DOCK1: variants seen among roughly 807,000 people sequenced by gnomAD.
The protein encoded by DOCK1 is dedicator of cytokinesis protein 1.
In DOCK1, 138 loss-of-function variants were observed where a neutral mutation model predicts 262.7. The observed-to-expected ratio is 0.53, with a 90% CI of 0.46 to 0.61. DOCK1 has a LOEUF of 0.61. Among genes scored for constraint, DOCK1 ranks in the 20% least tolerant of loss-of-function variants. The pLI is 0.00. For synonymous variants in DOCK1, 866 were observed against 867.4 expected (o/e 1.00, Z 0.03); for missense variants, 1,908 against 2,370.7 (o/e 0.80, Z 4.05).
chr10:127,082,520 G>A (rs2046963701), intron 23 of DOCK1, among the ~76,000 whole-genome samples: 1 of 152,154 alleles, frequency 6.6e-6, no homozygotes, highest in African/African-American at 2.4e-5. Flanking sequence ...CAGATCACAT[G>A]AGACTTATTC....
At chr10:127,154,362 C>T (rs563600317) in intron 27 of DOCK1, among the ~76,000 whole-genome samples, 27 of 152,254 alleles carry the variant, frequency 1.8e-4, no homozygotes, top group Non-Finnish European at 3.4e-4. Context: ...CCCGCCGGGG[C>T]CTGGTTTTGT....
Position 127,106,317 on chromosome 10 carries a change from A to G in DOCK1, c.2516+16A>G. On this transcript the variant is annotated intron_variant, in intron 24 of 51. Transcript: ENST00000623213. ...AAGAGCTCAGGTAAGTATGCAGCCC[A>G]GGCGAATGCTTGTCACGTGCCGTGT... The G allele has an allele frequency of 6.3e-7, 1 of 1,588,174 alleles. No individual in the cohort carries two copies. The highest frequency in any genetic ancestry group is 1.2e-5 in the South Asian group (1 of 86,860).
At chr10:127,051,848 G>A (rs560798491) in intron 21 of DOCK1, among the ~76,000 whole-genome samples, 2 of 152,254 alleles carry the variant, frequency 1.3e-5, no homozygotes, top group East Asian at 3.9e-4. Flanking sequence ...CTCCCAAAGT[G>A]CTGGGATTCC....
chr10:127,335,930 A>T (rs1321554621), intron 29 of DOCK1, among the ~76,000 whole-genome samples: 1 of 151,248 alleles, frequency 6.6e-6, no homozygotes, highest in East Asian at 1.9e-4. Context: ...GTTAGCCAGG[A>T]TGGTTTCGAT....
intron 19 of DOCK1, among the ~76,000 whole-genome samples, chr10:127,040,222 G>T (rs974818162): frequency 1.3e-5 from 2 of 152,206 alleles, no homozygotes; most frequent in Non-Finnish European, 2.9e-5. Context: ...TTCTGAAAAT[G>T]ATGGGAAATG....
chr10:127,446,191 A>G lies in DOCK1; in HGVS notation c.5414-1203A>G, dbSNP rs550617709. On this transcript the variant is annotated intron_variant, in intron 50 of 51. Coordinates refer to ENST00000623213, the MANE Select transcript of DOCK1 (RefSeq NM_001290223.2). This position sits in a 1 kb window ranked among gnomAD's most constrained non-coding sequence, Gnocchi z 4.4. ...CTTGAACCTGGGAGGCGGAGGTTGCAGTGAGCTGAGATCGCACCACTGCAC... is the reference window on the plus strand; with the variant it reads ...CTTGAACCTGGGAGGCGGAGGTTGCGGTGAGCTGAGATCGCACCACTGCAC... 2.6e-5 allele frequency among the ~76,000 whole-genome samples: 4 copies of G among 152,166 alleles called. No homozygotes were observed. The highest frequency in any genetic ancestry group is 1.3e-4 in the Admixed American group (2 of 15,290).
Position 127,121,455 on chromosome 10 carries a change from A to ATGTGTGTGTGTGTGTGTGTGTG in DOCK1, c.2624-3998_2624-3997insGTGTGTGTGTGTGTGTGTGTGT, listed in dbSNP as rs59477974. Among the ~76,000 whole-genome samples the ATGTGTGTGTGTGTGTGTGTGTG allele has an allele frequency of 2.2e-3, 332 of 148,362 alleles. 1 individual carries two copies. The highest frequency in any genetic ancestry group is 7.0e-3 in the African/African-American group (284 of 40,562). ...ATAGGTCATTGTAGGGTATATGTAT[A>ATGTGTGTGTGTGTGTGTGTGTG]TGTGTGTGTGTGTGTGTGTGTCTAT... On this transcript the variant is annotated intron_variant, in intron 25 of 51. Transcript: ENST00000623213.
At chr10:127,236,299 G>A (rs2059048688) in intron 27 of DOCK1, among the ~76,000 whole-genome samples, 2 of 151,266 alleles carry the variant, frequency 1.3e-5, no homozygotes, top group South Asian at 4.2e-4. Flanking sequence ...TACGGTTTAA[G>A]GTATGGCTCC....
intron 27 of DOCK1, among the ~76,000 whole-genome samples, chr10:127,144,380 T>A (rs2051584164): frequency 1.3e-5 from 2 of 152,212 alleles, no homozygotes; most frequent in Non-Finnish European, 2.9e-5. Flanking sequence ...TGAGAGCCTG[T>A]CTCCTGTGGG....
chr10:127,355,804 C>T (rs1278667944), intron 32 of DOCK1, among the ~76,000 whole-genome samples: 1 of 152,198 alleles, frequency 6.6e-6, no homozygotes. Flanking sequence ...GGCTGGAGAG[C>T]ATGGCAAGAA....
At chr10:127,216,809 A>G (rs1407022067) in intron 27 of DOCK1, among the ~76,000 whole-genome samples, 1 of 152,210 alleles carries the variant, frequency 6.6e-6, no homozygotes, top group Non-Finnish European at 1.5e-5. Context: ...AAAATTGCTG[A>G]TTTAATAAAC....
intron 31 of DOCK1, among the ~76,000 whole-genome samples, chr10:127,345,132 A>G (rs947795407): frequency 6.6e-6 from 1 of 152,202 alleles, no homozygotes. Flanking sequence ...TTCACTCAGC[A>G]GCGTTCACAC....
intron 38 of DOCK1, among the ~76,000 whole-genome samples, chr10:127,397,304 CAACTCCTATGT>C (rs2066937224): frequency 1.3e-5 from 1 of 78,096 alleles, no homozygotes; most frequent in Non-Finnish European, 2.9e-5. Flanking sequence ...ACACGGGCGG[CAACTCCTATGT>C]GATCTGAGCA....
At chr10:127,121,447 A>T (rs1027865482) in intron 25 of DOCK1, among the ~76,000 whole-genome samples, 1 of 39,364 alleles carries the variant, frequency 2.5e-5, no homozygotes, top group African/African-American at 5.3e-5. Flanking sequence ...ATTGTAGGGT[A>T]TATGTATATG....
At chr10:127,232,379 G>T (rs1027293235) in intron 27 of DOCK1, among the ~76,000 whole-genome samples, 8 of 152,202 alleles carry the variant, frequency 5.3e-5, no homozygotes, top group African/African-American at 1.9e-4. Flanking sequence ...CAAATTCCAG[G>T]ATCCCTTGCT....
intron 23 of DOCK1, among the ~76,000 whole-genome samples, chr10:127,082,359 AG>A (rs1368813852): frequency 6.6e-6 from 1 of 152,188 alleles, no homozygotes; most frequent in East Asian, 1.9e-4. Context: ...TCATGTATAA[AG>A]AAAAAGAGGC....
intron 23 of DOCK1, among the ~76,000 whole-genome samples, chr10:127,095,075 C>T (rs187443054): frequency 1.5e-3 from 231 of 152,302 alleles, no homozygotes; most frequent in Middle Eastern, 3.4e-3. Context: ...GCCTAGATTA[C>T]GGTAATGCTC....
intron 4 of DOCK1, among the ~76,000 whole-genome samples, chr10:126,987,280 C>T (rs895783491): frequency 2.0e-5 from 3 of 152,244 alleles, no homozygotes; most frequent in East Asian, 1.9e-4. Flanking sequence ...CTTACTTTGA[C>T]GTATGAGGTG....
intron 1 of DOCK1, among the ~76,000 whole-genome samples, chr10:126,919,556 G>A (rs1461086803): frequency 6.6e-6 from 1 of 152,210 alleles, no homozygotes; most frequent in East Asian, 1.9e-4. Context: ...AGGGGAGGTG[G>A]GGGTGTGTGC....
Sources: allele counts gnomAD v4.1 joint callset (sites outside exome capture counted in the v4.1 genomes callset), GRCh38; gene constraint gnomAD v4.1.1; non-coding constraint Gnocchi (gnomAD v3.1); transcripts MANE v1.5; gene names NCBI Gene and HGNC (gene_info 2026-07-23, HGNC 2026-07-21).